MIOX: variants seen among roughly 807,000 people sequenced by gnomAD.
The protein encoded by MIOX is inositol oxygenase.
In MIOX, 51 loss-of-function variants were observed where a neutral mutation model predicts 42.7. The observed-to-expected ratio is 1.19, with a 90% CI of 0.95 to 1.51. The LOEUF is 1.51. Among genes scored for constraint, MIOX ranks in the 40% most tolerant of loss-of-function variants. The probability of loss-of-function intolerance (pLI) is 0.00; values close to 1 mark genes in which losing one functional copy is unlikely to be tolerated. For missense variants in MIOX, 395 were observed against 381.3 expected, an observed-to-expected ratio of 1.04 and a Z score of -0.30; for synonymous variants, 168 against 154.4, an observed-to-expected ratio of 1.09 and a Z score of -0.65.
At position 50,490,337 on chromosome 22, in the gene MIOX, G is replaced by A. The variant is rs1288416257; in HGVS notation, c.*481G>A. On this transcript the variant is annotated 3_prime_UTR_variant, in exon 10 of 10. Transcript: ENST00000216075. ...AGAAAACAACAAAAAACAAATGCAG[G>A]CTGGGCACAGCGGCTCACACCTATA... 5.6e-6 allele frequency: 1 copy of A among 179,410 alleles called. No individual in the cohort carries two copies. Among genetic ancestry groups the A allele is most frequent in the East Asian group, 1.4e-4 (1 of 7,282 alleles). 11.1% of individuals were successfully genotyped at this position (179,410 alleles called of 1,614,324 possible). A position where few individuals can be genotyped will look rare whatever the true frequency, so the allele number is the denominator to read the frequency against.
rs201488910 is a variant in MIOX, at chr22:50,488,302, A to G, written c.368A>G (p.His123Arg). ...KDWFHLVGLLHDLGKVLALFG... is the reference protein window; with the variant it reads ...KDWFHLVGLLRDLGKVLALFG... Reference sequence around the variant, plus strand: ...TGGTTCCACCTCGTCGGGCTCCTGCACGACCTGGGGAAGGTCCTGGCCCTG... The same window carrying G: ...TGGTTCCACCTCGTCGGGCTCCTGCGCGACCTGGGGAAGGTCCTGGCCCTG... Residue 123 changes from histidine (H) to arginine (R), a missense_variant, in exon 5 of 10, where the codon CAC (histidine) becomes CGC (arginine). Transcript: ENST00000216075. 6.2e-7 allele frequency: 1 copy of G among 1,613,038 alleles called. No homozygotes were observed. The highest frequency in any genetic ancestry group is 1.7e-5 in the Admixed American group (1 of 59,856).
At chr22:50,487,842 G>A in intron 3 of MIOX, 44 bp from the exon 4 acceptor site, 2 of 1,612,286 alleles carry the variant, frequency 1.2e-6, no homozygotes, top group Non-Finnish European at 1.7e-6. Context: ...CTGTGTGGTG[G>A]GCCTGCTGAC....
At position 50,489,913 on chromosome 22, in the gene MIOX, G is replaced by A. The variant is rs1055272; in HGVS notation, c.*57G>A. ...AGGCCTGGCCCTCCGCCTGCCTGGA[G>A]AGGCCTGGCCCTGGGCAAACAGCCG... is the stretch of plus-strand genomic sequence containing the variant. On this transcript the variant is annotated 3_prime_UTR_variant, in exon 10 of 10. Transcript: ENST00000216075. 2 of 1,518,666 alleles carry A rather than the reference G, an allele frequency of 1.3e-6. No individual in the cohort carries two copies. The highest frequency in any genetic ancestry group is 1.8e-6 in the Non-Finnish European group (2 of 1,104,206). 94.1% of individuals were successfully genotyped at this position (1,518,666 alleles called of 1,614,324 possible). A position where few individuals can be genotyped will look rare whatever the true frequency, so the allele number is the denominator to read the frequency against.
chr22:50,489,232 G>T lies in MIOX; in HGVS notation c.523G>T (p.Glu175Ter). 6.2e-7 allele frequency: 1 copy of T among 1,609,068 alleles called. No individual in the cohort carries two copies. The change falls in exon 7 of 10, where the codon GAG becomes TAG. Residue 175 changes from glutamate to a stop codon, truncating the protein, a stop_gained. Coordinates refer to ENST00000216075, the MANE Select transcript of MIOX (RefSeq NM_017584.6). LOFTEE classifies it high-confidence loss of function. ...PDLQDPRYST[E>*]LGMYQPHCGL... ...CACCCTGGTATCTCACTGCAGCACA[G>T]AGCTCGGGATGTATCAGCCCCACTG...
Position 50,489,342 on chromosome 22 carries a change from G to A in MIOX, c.586+47G>A, listed in dbSNP as rs751541435. 1.3e-4 allele frequency: 187 copies of A among 1,467,848 alleles called. 1 individual carries two copies. In the East Asian group the frequency reaches 4.2e-3, roughly 33 times the overall value. 90.9% of individuals were successfully genotyped at this position (1,467,848 alleles called of 1,614,324 possible). A position where few individuals can be genotyped will look rare whatever the true frequency, so the allele number is the denominator to read the frequency against. On this transcript the variant is annotated intron_variant, in intron 7 of 9. Coordinates refer to ENST00000216075, the MANE Select transcript of MIOX (RefSeq NM_017584.6). ...GGGGCGGTGGGGGGCGGTGGGGGAC[G>A]GTGGGGGGCGGTGGGGCAGAGGCAG...
intron 5 of MIOX, 96 bp downstream of exon 5, chr22:50,488,438 C>G (rs1640765365): frequency 9.7e-7 from 1 of 1,032,908 alleles, no homozygotes. Context: ...ACCTGGGGGA[C>G]AGGCCAGTGC....
chr22:50,488,076 C>T lies in MIOX; in HGVS notation c.340+28C>T, dbSNP rs1044915077. On this transcript the variant is annotated intron_variant, in intron 4 of 9. Coordinates refer to ENST00000216075, the MANE Select transcript of MIOX (RefSeq NM_017584.6). ...GAGCCCTGGCTGTGCTGCAGGGGGG[C>T]AGGTGCTGCCTCCAAGGGGCAGAAT... The T allele has an allele frequency of 2.5e-6, 4 of 1,611,988 alleles. No individual in the cohort carries two copies. In the African/African-American group the frequency reaches 5.3e-5, roughly 22 times the overall value.
rs977009868 is a variant in MIOX at position 50,487,042 on chromosome 22, C to G, written c.15+130C>G. The G allele has an allele frequency of 5.7e-6, 7 of 1,232,936 alleles. No individual in the cohort carries two copies. In the African/African-American group the frequency reaches 1.0e-4, roughly 18 times the overall value. The allele number at this position is 1,232,936 out of a possible 1,614,324, so 76.4% of individuals were successfully genotyped here. A position where few individuals can be genotyped will look rare whatever the true frequency, so the allele number is the denominator to read the frequency against. On this transcript the variant is annotated intron_variant, in intron 1 of 9. Transcript: ENST00000216075. ...CCAGCTGGGCAAGAGCCAGCGGCTG[C>G]CGACCCCCAGGCTCCCTGTGGACTC...
chr22:50,488,088 C>T, intron 4 of MIOX, 40 bp downstream of exon 4: 1 of 1,611,254 alleles, frequency 6.2e-7, no homozygotes, highest in Non-Finnish European at 8.5e-7. Flanking sequence ...GGTGCTGCCT[C>T]CAAGGGGCAG....
rs1378875413 is a variant in MIOX at position 50,486,867 on chromosome 22, C to T, written c.-31C>T. 1 of 1,613,926 alleles carries T rather than the reference C, an allele frequency of 6.2e-7. No individual in the cohort carries two copies. The highest frequency in any genetic ancestry group is 1.1e-5 in the South Asian group (1 of 91,086). On this transcript the variant is annotated 5_prime_UTR_variant, in exon 1 of 10. Transcript: ENST00000216075. ...CTGAGGACACACTCGCCAGCCTGTGCTTTGCCACCTGAGCGCCGCTCCCTC... is the reference window on the plus strand; with the variant it reads ...CTGAGGACACACTCGCCAGCCTGTGTTTTGCCACCTGAGCGCCGCTCCCTC...
At position 50,487,961 on chromosome 22, in the gene MIOX, G is replaced by A; in HGVS notation, c.253G>A (p.Asp85Asn). 1 of 1,614,018 alleles carries A rather than the reference G, an allele frequency of 6.2e-7. No individual in the cohort carries two copies. The highest frequency in any genetic ancestry group is 8.5e-7 in the Non-Finnish European group (1 of 1,179,934). ...EAVDLLDGLV[D>N]ESDPDVDFPN... The stretch of plus-strand genomic sequence containing the variant: ...CGTGGACCTGCTGGATGGGCTGGTG[G>A]ATGAGTCGGACCCGGACGTAGATTT... The change falls in exon 4 of 10, where the codon GAT (aspartate) becomes AAT (asparagine). Residue 85 changes from aspartate to asparagine, a missense_variant. Physicochemically the swap from Asp to Asn is conservative, Grantham distance 23. Coordinates refer to ENST00000216075, the MANE Select transcript of MIOX (RefSeq NM_017584.6).
chr22:50,488,219 C>T (rs1478434089), intron 4 of MIOX, 56 bp from the exon 5 acceptor site: 6 of 1,609,926 alleles, frequency 3.7e-6, no homozygotes, highest in Non-Finnish European at 5.1e-6. Flanking sequence ...CAAACCTGCT[C>T]ATCCTCTGCC....
At chr22:50,488,081 G>C (rs768272100) in intron 4 of MIOX, 33 bp downstream of exon 4, 1 of 1,611,854 alleles carries the variant, frequency 6.2e-7, no homozygotes, top group South Asian at 1.1e-5. Context: ...GGGGGCAGGT[G>C]CTGCCTCCAA....
rs879206315 is a variant in MIOX, at chr22:50,488,330, C to T, written c.396C>T (p.Phe132=). The part of the protein sequence containing the change: ...LHDLGKVLAL[F]GEPQWAVVGD... Reference sequence around the variant, plus strand: ...ACCTGGGGAAGGTCCTGGCCCTGTTCGGGGAGCCCCAGGTAAGAGTTGGAA... The same window carrying T: ...ACCTGGGGAAGGTCCTGGCCCTGTTTGGGGAGCCCCAGGTAAGAGTTGGAA... The change falls in exon 5 of 10, where the codon TTC becomes TTT. Residue 132 remains phenylalanine (F), a synonymous_variant. Transcript: ENST00000216075. 47 of 1,603,620 alleles carry T rather than the reference C, an allele frequency of 2.9e-5. No individual in the cohort carries two copies. Among genetic ancestry groups the T allele is most frequent in the African/African-American group, 4.0e-5 (3 of 74,680 alleles).
In MIOX at chr22:50,490,114, G is replaced by A; in HGVS notation, c.*258G>A. Reference sequence around the variant, plus strand: ...GCCGAGGGATGGTGCCAGCAGGGTGGAGGCCAAGTCCCAGGCTTTCAGGTG... The same window carrying A: ...GCCGAGGGATGGTGCCAGCAGGGTGAAGGCCAAGTCCCAGGCTTTCAGGTG... On this transcript the variant is annotated 3_prime_UTR_variant, in exon 10 of 10. Coordinates refer to ENST00000216075, the MANE Select transcript of MIOX (RefSeq NM_017584.6). 1 of 527,148 alleles carries A rather than the reference G, an allele frequency of 1.9e-6. No individual in the cohort carries two copies. Among genetic ancestry groups the A allele is most frequent in the Non-Finnish European group, 3.5e-6 (1 of 289,814 alleles). The allele number at this position is 527,148 out of a possible 1,614,324, so 32.7% of individuals were successfully genotyped here. A position where few individuals can be genotyped will look rare whatever the true frequency, so the allele number is the denominator to read the frequency against.
Position 50,487,407 on chromosome 22 carries a change from A to G in MIOX, c.38A>G (p.Tyr13Cys), listed in dbSNP as rs746164338. Residue 13 changes from tyrosine (Y) to cysteine (C), a missense_variant, in exon 2 of 10, where the codon TAC becomes TGC. Coordinates refer to ENST00000216075, the MANE Select transcript of MIOX (RefSeq NM_017584.6). Reference sequence around the variant, plus strand: ...CAGGGCCCAGACCCTTCCCTGGTCTACCGACCTGATGTGGACCCAGAGGTG... The same window carrying G: ...CAGGGCCCAGACCCTTCCCTGGTCTGCCGACCTGATGTGGACCCAGAGGTG... Reference protein sequence around the residue: ...VTVGPDPSLVYRPDVDPEVAK... With the variant: ...VTVGPDPSLVCRPDVDPEVAK... 3.1e-6 allele frequency: 5 copies of G among 1,613,846 alleles called. No individual in the cohort carries two copies. In the Admixed American group the frequency reaches 5.0e-5, roughly 16 times the overall value.
intron 5 of MIOX, 119 bp downstream of exon 5, chr22:50,488,461 C>A: frequency 2.5e-6 from 2 of 811,692 alleles, no homozygotes; most frequent in South Asian, 3.7e-5. Flanking sequence ...CCCCCACGGC[C>A]CCCCGACGGC....
chr22:50,487,306 G>A, intron 1 of MIOX, 79 bp from the exon 2 acceptor site: 1 of 1,259,908 alleles, frequency 7.9e-7, no homozygotes, highest in Non-Finnish European at 1.1e-6. Flanking sequence ...CTTGGAGTCT[G>A]CAGCCACCCT....
chr22:50,488,223 C>T (rs757161190), intron 4 of MIOX, 52 bp from the exon 5 acceptor site: 3 of 1,611,088 alleles, frequency 1.9e-6, no homozygotes, highest in Admixed American at 3.3e-5. Flanking sequence ...CCTGCTCATC[C>T]TCTGCCTTGG....
Sources: gnomAD v4.1 joint callset for allele counts on GRCh38, gnomAD v4.1.1 for gene constraint, MANE v1.5 for transcripts, NCBI Gene and HGNC (gene_info 2026-07-23, HGNC 2026-07-21) for gene names.